ARHGAP24: variants seen among roughly 807,000 people sequenced by gnomAD.
ARHGAP24 encodes the protein Rho GTPase activating protein 24.
Under a neutral mutation model 76.4 loss-of-function variants are expected in ARHGAP24, and 50 were observed. The ratio of observed to expected loss-of-function variants is 0.65; its 90% CI spans 0.52 to 0.83. The LOEUF is 0.83. Ranked by LOEUF, ARHGAP24 falls within the 40% of genes least tolerant of loss-of-function variation. The pLI is 0.00. For synonymous variants in ARHGAP24, 345 were observed against 323.3 expected (o/e 1.07, Z -0.72); for missense variants, 930 against 914.2 (o/e 1.02, Z -0.22).
intron 2 of ARHGAP24, among the ~76,000 whole-genome samples, chr4:85,582,461 ACTG>A (rs1727654202): frequency 6.6e-6 from 1 of 152,154 alleles, no homozygotes; most frequent in Admixed American, 6.5e-5. Context: ...GGACAATCAG[ACTG>A]CTCCCTTTAA....
intron 1 of ARHGAP24, among the ~76,000 whole-genome samples, chr4:85,541,260 T>G (rs1725683777): frequency 7.5e-6 from 1 of 133,688 alleles, no homozygotes; most frequent in Non-Finnish European, 1.5e-5. Flanking sequence ...TTCACGCCAT[T>G]CTCCTGCCTC....
rs575851353 is a variant in ARHGAP24, at chr4:85,961,113, C to A, written c.600-10923C>A. On this transcript the variant is annotated intron_variant, in intron 5 of 9. Transcript: ENST00000395184. ...ATAAGAAACATCTGACATGTAGTGACAAAGGATCCCTTCTAGCAAAGCACA... is the reference window on the plus strand; with the variant it reads ...ATAAGAAACATCTGACATGTAGTGAAAAAGGATCCCTTCTAGCAAAGCACA... Among the ~76,000 whole-genome samples, 34 of 152,166 alleles carry A rather than the reference C, an allele frequency of 2.2e-4. No homozygotes were observed. In the East Asian group the frequency reaches 6.2e-3, roughly 28 times the overall value.
intron 2 of ARHGAP24, among the ~76,000 whole-genome samples, chr4:85,606,967 A>G (rs961941853): frequency 6.6e-6 from 1 of 152,208 alleles, no homozygotes; most frequent in Non-Finnish European, 1.5e-5. Flanking sequence ...GAGAGACAAT[A>G]ATAATACAGA....
At chr4:85,676,518 G>A (rs1235643679) in intron 2 of ARHGAP24, among the ~76,000 whole-genome samples, 1 of 152,106 alleles carries the variant, frequency 6.6e-6, no homozygotes, top group Non-Finnish European at 1.5e-5. Context: ...GGTAGTGTTG[G>A]GTAAGTGGAG....
At chr4:85,624,277 T>G (rs1720838641) in intron 2 of ARHGAP24, among the ~76,000 whole-genome samples, 2 of 152,144 alleles carry the variant, frequency 1.3e-5, no homozygotes, top group Admixed American at 1.3e-4. Context: ...CCTAATTTTT[T>G]GGGAGTTTTT....
At chr4:85,761,430 G>A (rs1012887331) in intron 3 of ARHGAP24, among the ~76,000 whole-genome samples, 17 of 152,162 alleles carry the variant, frequency 1.1e-4, no homozygotes, top group Non-Finnish European at 2.1e-4. Context: ...GAATGCATGG[G>A]AATCTTTACT....
intron 1 of ARHGAP24, among the ~76,000 whole-genome samples, chr4:85,528,697 C>A (rs1725125952): frequency 6.6e-6 from 1 of 152,018 alleles, no homozygotes; most frequent in Non-Finnish European, 1.5e-5. Context: ...AAAGTTCAAA[C>A]AGATTAATAT....
chr4:85,881,597 G>A (rs539389310), intron 3 of ARHGAP24, among the ~76,000 whole-genome samples: 1 of 151,622 alleles, frequency 6.6e-6, no homozygotes, highest in South Asian at 2.1e-4. Flanking sequence ...GCAAGTTAGC[G>A]ATGCTTGTCA....
chr4:85,789,167 A>T (rs1006881117), intron 3 of ARHGAP24, among the ~76,000 whole-genome samples: 1 of 150,926 alleles, frequency 6.6e-6, no homozygotes, highest in Non-Finnish European at 1.5e-5. Flanking sequence ...GTCTGAGTTA[A>T]TTACCCTTGG....
Position 85,942,516 on chromosome 4 carries a change from T to C in ARHGAP24, c.599+243T>C, listed in dbSNP as rs2148825442. The C allele has an allele frequency of 1.2e-5, 6 of 481,214 alleles. No homozygotes were observed. The South Asian group carries it at 1.7e-4, about 14-fold the overall frequency. The allele number at this position is 481,214 out of a possible 1,614,324, so 29.8% of individuals were successfully genotyped here. On this transcript the variant is annotated intron_variant, in intron 5 of 9. Transcript: ENST00000395184. ...TTTTTTTGTTCTTCTTCTTTGGTACTAAAGTAAAACTGTATTAAACTTTTG... is the reference window on the plus strand; with the variant it reads ...TTTTTTTGTTCTTCTTCTTTGGTACCAAAGTAAAACTGTATTAAACTTTTG...
intron 3 of ARHGAP24, among the ~76,000 whole-genome samples, chr4:85,784,915 CTATCTATCT>C (rs1394651601): frequency 4.6e-5 from 1 of 21,958 alleles, no homozygotes; most frequent in African/African-American, 1.3e-4. Context: ...CTCTATCTAT[CTATCTATCT>C]ATCTATCTAT....
intron 3 of ARHGAP24, among the ~76,000 whole-genome samples, chr4:85,784,119 T>A (rs114982985): frequency 0.015 from 2,235 of 152,300 alleles, 51 homozygotes; most frequent in African/African-American, 0.05. Flanking sequence ...CTCTCAGAGG[T>A]TGCTCATGAT....
intron 3 of ARHGAP24, among the ~76,000 whole-genome samples, chr4:85,766,093 G>C (rs1300781970): frequency 1.3e-5 from 2 of 152,068 alleles, no homozygotes; most frequent in African/African-American, 4.8e-5. Context: ...TATCAACAAG[G>C]TGATACAAAA....
In ARHGAP24 at chr4:85,719,519, T is replaced by A. The variant is rs139451985; in HGVS notation, c.181-2366T>A. Among the ~76,000 whole-genome samples the A allele has an allele frequency of 8.5e-5, 13 of 152,318 alleles. No individual in the cohort carries two copies. In the East Asian group the frequency reaches 2.5e-3, roughly 29 times the overall value. On this transcript the variant is annotated intron_variant, in intron 2 of 9. Coordinates refer to ENST00000395184, the MANE Select transcript of ARHGAP24 (RefSeq NM_001025616.3). ...CAAACCAAGTAGGTTGAAAATTGAG[T>A]AAAATACTACTTTAGCTAAATATTA...
chr4:85,945,159 C>T (rs1253349705), intron 5 of ARHGAP24, among the ~76,000 whole-genome samples: 3 of 151,408 alleles, frequency 2.0e-5, no homozygotes, highest in East Asian at 2.0e-4. Context: ...TTTCTTTTTT[C>T]GAAACAGAAT....
chr4:85,578,332 G>A (rs1428816093), intron 2 of ARHGAP24, among the ~76,000 whole-genome samples: 2 of 152,202 alleles, frequency 1.3e-5, no homozygotes, highest in Non-Finnish European at 1.5e-5. Flanking sequence ...AGGAGGAAGA[G>A]CTAAGAAAAT....
intron 3 of ARHGAP24, among the ~76,000 whole-genome samples, chr4:85,754,587 T>C (rs1264325565): frequency 1.3e-5 from 2 of 152,198 alleles, no homozygotes; most frequent in Non-Finnish European, 2.9e-5. Context: ...GACAACACAA[T>C]TTTAAAGGTC....
At chr4:85,626,155 C>A (rs184194656) in intron 2 of ARHGAP24, among the ~76,000 whole-genome samples, 16 of 152,202 alleles carry the variant, frequency 1.1e-4, no homozygotes, top group Non-Finnish European at 2.1e-4. Flanking sequence ...GATGCAGTTT[C>A]TTCCTAGCCT....
chr4:85,898,578 G>C (rs973855964), intron 3 of ARHGAP24, among the ~76,000 whole-genome samples: 3 of 152,172 alleles, frequency 2.0e-5, no homozygotes, highest in African/African-American at 7.2e-5. Flanking sequence ...CAGGCTGTGA[G>C]CATGAGTTAA....
Sources: gnomAD v4.1 joint callset for allele counts (sites outside exome capture counted in the v4.1 genomes callset) on GRCh38, gnomAD v4.1.1 for gene constraint, MANE v1.5 for transcripts, NCBI Gene and HGNC (gene_info 2026-07-23, HGNC 2026-07-21) for gene names.